SRRM4: variants seen among roughly 807,000 people sequenced by gnomAD.
SRRM4 encodes the protein serine/arginine repetitive matrix protein 4.
Under a neutral mutation model 68.9 loss-of-function variants are expected in SRRM4, and 33 were observed. The ratio of observed to expected loss-of-function variants is 0.48; its 90% CI spans 0.36 to 0.64. The LOEUF (loss-of-function observed/expected upper bound fraction) is 0.64. Ranked by LOEUF, SRRM4 falls within the 30% of genes least tolerant of loss-of-function variation. The probability of loss-of-function intolerance (pLI) is 0.00; values close to 1 mark genes in which losing one functional copy is unlikely to be tolerated. For synonymous variants in SRRM4, 318 were observed against 318.8 expected, an observed-to-expected ratio of 1.00 and a Z score of 0.03; for missense variants, 817 against 827.1, an observed-to-expected ratio of 0.99 and a Z score of 0.15.
chr12:119,058,323 C>T (rs1241608308), intron 1 of SRRM4, among the ~76,000 whole-genome samples: 1 of 152,006 alleles, frequency 6.6e-6, no homozygotes, highest in Non-Finnish European at 1.5e-5. Flanking sequence ...TAAAGATTAA[C>T]AATAATTAGT....
chr12:119,026,571 T>A (rs1757532654), intron 1 of SRRM4, among the ~76,000 whole-genome samples: 1 of 151,908 alleles, frequency 6.6e-6, no homozygotes, highest in African/African-American at 2.4e-5. Context: ...ATTTTTGAGA[T>A]GGACTCTCAC....
intron 1 of SRRM4, among the ~76,000 whole-genome samples, chr12:119,056,441 C>T (rs944909735): frequency 5.3e-5 from 8 of 152,112 alleles, no homozygotes; most frequent in East Asian, 1.9e-4. Flanking sequence ...TGTAACATTC[C>T]GGTGAAGCTT....
intron 1 of SRRM4, among the ~76,000 whole-genome samples, chr12:119,045,924 G>C (rs1953704659): frequency 6.6e-6 from 1 of 152,046 alleles, no homozygotes; most frequent in African/African-American, 2.4e-5. Context: ...TGTAGTCCCA[G>C]CTACTCAGGA....
chr12:118,987,940 A>T (rs989032045), intron 1 of SRRM4, among the ~76,000 whole-genome samples: 2 of 152,226 alleles, frequency 1.3e-5, no homozygotes, highest in African/African-American at 4.8e-5. Flanking sequence ...TGGGGGATAC[A>T]TAGTGGTGTT....
intron 1 of SRRM4, among the ~76,000 whole-genome samples, chr12:119,096,733 C>A (rs1954047770): frequency 1.3e-5 from 2 of 152,168 alleles, no homozygotes; most frequent in African/African-American, 4.8e-5. Flanking sequence ...TCTCTGATTC[C>A]CCAAACAGTG....
In SRRM4 at chr12:119,117,660, T is replaced by C. The variant is rs115575689; in HGVS notation, c.437+652T>C. ...GGAAAAGACTAAAAGGATACTGTAG[T>C]CCTGGCACTTTGGGAGACCAAGGTG... On this transcript the variant is annotated intron_variant, in intron 4 of 12. Coordinates refer to ENST00000267260, the MANE Select transcript of SRRM4 (RefSeq NM_194286.4). Among the ~76,000 whole-genome samples, 617 of 152,100 alleles carry C rather than the reference T, an allele frequency of 4.1e-3. 3 individuals are homozygous for C. Among genetic ancestry groups the C allele is most frequent in the African/African-American group, 0.014 (579 of 41,488 alleles).
intron 1 of SRRM4, among the ~76,000 whole-genome samples, chr12:119,009,095 A>G (rs1953433330): frequency 6.6e-6 from 1 of 152,102 alleles, no homozygotes; most frequent in South Asian, 2.1e-4. Context: ...TCGCTCGCAC[A>G]CGCAGCTTGT....
In SRRM4 at chr12:119,130,823, G is replaced by A. The variant is rs1275333104; in HGVS notation, c.760G>A (p.Ala254Thr). Reference sequence around the variant, plus strand: ...CCTCCAGATGCTTGGCTACCTGTCAGCCAGGGGTGTAGTAAGTATTCTTCA... The same window carrying A: ...CCTCCAGATGCTTGGCTACCTGTCAACCAGGGGTGTAGTAAGTATTCTTCA... ...QPLQMLGYLS[A>T]RGVITGSGSA... Residue 254 changes from alanine (A) to threonine (T), a missense_variant, in exon 8 of 13, where the codon GCC becomes ACC. Ala to Thr is a moderately conservative substitution (Grantham distance 58). Transcript: ENST00000267260. 1.2e-6 allele frequency: 2 copies of A among 1,604,700 alleles called. No homozygotes were observed. Among genetic ancestry groups the A allele is most frequent in the African/African-American group, 1.3e-5 (1 of 75,052 alleles).
At chr12:119,009,940 C>A (rs191361501) in intron 1 of SRRM4, among the ~76,000 whole-genome samples, 1 of 152,350 alleles carries the variant, frequency 6.6e-6, no homozygotes, top group Admixed American at 6.5e-5. Context: ...AATTCCCTAG[C>A]TGATGTTCTT....
intron 1 of SRRM4, among the ~76,000 whole-genome samples, chr12:119,085,140 G>A (rs1163965451): frequency 2.0e-5 from 3 of 152,174 alleles, no homozygotes; most frequent in Admixed American, 6.5e-5. Context: ...ACCTCAGGTG[G>A]ATCCACCTGC....
At chr12:119,008,601 C>T (rs1594024463) in intron 1 of SRRM4, among the ~76,000 whole-genome samples, 1 of 152,150 alleles carries the variant, frequency 6.6e-6, no homozygotes, top group East Asian at 1.9e-4. Flanking sequence ...CCTCACCATG[C>T]CTCAGTTTAC....
chr12:119,097,056 T>A (rs894719827), intron 1 of SRRM4, among the ~76,000 whole-genome samples: 1 of 152,220 alleles, frequency 6.6e-6, no homozygotes, highest in Admixed American at 6.5e-5. Flanking sequence ...TCCCTCCATC[T>A]GTGAAGTGGA....
chr12:119,022,104 T>G (rs1953520047), intron 1 of SRRM4, among the ~76,000 whole-genome samples: 1 of 152,046 alleles, frequency 6.6e-6, no homozygotes, highest in Non-Finnish European at 1.5e-5. Flanking sequence ...GGTTGATAGG[T>G]GCAGCAAACC....
At chr12:119,004,815 C>T (rs1429098041) in intron 1 of SRRM4, among the ~76,000 whole-genome samples, 3 of 151,908 alleles carry the variant, frequency 2.0e-5, no homozygotes, top group African/African-American at 7.2e-5. Context: ...GAAGTGAAGA[C>T]GATGTCCAGT....
chr12:118,989,800 C>T (rs1299989658), intron 1 of SRRM4: 2 of 152,210 alleles, frequency 1.3e-5, no homozygotes, highest in Non-Finnish European at 2.9e-5. Context: ...GCTGGATTCC[C>T]AAAGCTTAGA....
chr12:119,003,385 T>G (rs1317182410), intron 1 of SRRM4, among the ~76,000 whole-genome samples: 1 of 151,856 alleles, frequency 6.6e-6, no homozygotes, highest in African/African-American at 2.4e-5. Flanking sequence ...ATCCTTGATT[T>G]TTTATACTCT....
At chr12:119,087,939 A>G (rs1277955718) in intron 1 of SRRM4, among the ~76,000 whole-genome samples, 1 of 152,006 alleles carries the variant, frequency 6.6e-6, no homozygotes, top group Non-Finnish European at 1.5e-5. Flanking sequence ...CTCTTACAAT[A>G]CCCACCTCAA....
At chr12:119,007,668 G>A (rs1015600856) in intron 1 of SRRM4, among the ~76,000 whole-genome samples, 1 of 152,176 alleles carries the variant, frequency 6.6e-6, no homozygotes, top group Non-Finnish European at 1.5e-5. Context: ...TCAGTGACTT[G>A]CGCAAGGTCA....
chr12:118,998,188 G>A (rs1052036530), intron 1 of SRRM4, among the ~76,000 whole-genome samples: 3 of 139,030 alleles, frequency 2.2e-5, no homozygotes, highest in African/African-American at 8.0e-5. Context: ...CAAGAAAAGT[G>A]TTCAGAAAGG....
Sources: gnomAD v4.1 joint callset for allele counts (sites outside exome capture counted in the v4.1 genomes callset) on GRCh38, gnomAD v4.1.1 for gene constraint, MANE v1.5 for transcripts, NCBI Gene and HGNC (gene_info 2026-07-23, HGNC 2026-07-21) for gene names.